Variants in EXOC6B observed in about 807,000 individuals in gnomAD.
EXOC6B encodes the protein SEC15 homolog B.
A neutral mutation model predicts 113.5 loss-of-function variants in EXOC6B; 54 were observed. The ratio of observed to expected loss-of-function variants is 0.48; its 90% CI spans 0.38 to 0.60. The LOEUF is 0.60. EXOC6B is among the 20% of genes least tolerant of loss of function. The pLI is 0.00. For missense variants in EXOC6B, 797 were observed against 977.5 expected, an observed-to-expected ratio of 0.82 and a Z score of 2.46; for synonymous variants, 357 against 339.0, an observed-to-expected ratio of 1.05 and a Z score of -0.58.
intron 18 of EXOC6B, among the ~76,000 whole-genome samples, chr2:72,451,443 T>C (rs953440043): frequency 6.6e-6 from 1 of 152,000 alleles, no homozygotes; most frequent in Non-Finnish European, 1.5e-5. Flanking sequence ...GACAAAAACA[T>C]GAAATAAAAC....
chr2:72,249,618 T>TA (rs964718231), intron 20 of EXOC6B, among the ~76,000 whole-genome samples: 7 of 152,044 alleles, frequency 4.6e-5, no homozygotes, highest in African/African-American at 1.4e-4. Context: ...TTTAACTTTG[T>TA]AAAAAAAATT....
intron 8 of EXOC6B, among the ~76,000 whole-genome samples, chr2:72,556,029 C>G (rs534828175): frequency 6.6e-6 from 1 of 152,264 alleles, no homozygotes; most frequent in African/African-American, 2.4e-5. Context: ...ACATGGCTTT[C>G]CCAGTACAAT....
At chr2:72,687,498 A>T (rs1036174595) in intron 6 of EXOC6B, among the ~76,000 whole-genome samples, 2 of 152,128 alleles carry the variant, frequency 1.3e-5, no homozygotes, top group African/African-American at 4.8e-5. Context: ...AAAACCCCAC[A>T]AAATCAACAG....
At chr2:72,384,517 C>T (rs866017122) in intron 18 of EXOC6B, among the ~76,000 whole-genome samples, 16 of 151,872 alleles carry the variant, frequency 1.1e-4, no homozygotes, top group East Asian at 5.8e-4. Context: ...GTGCTAGTCA[C>T]GGTAGTTAGT....
At chr2:72,252,020 C>G (rs1156845806) in intron 20 of EXOC6B, among the ~76,000 whole-genome samples, 1 of 152,140 alleles carries the variant, frequency 6.6e-6, no homozygotes, top group African/African-American at 2.4e-5. Flanking sequence ...TGTGTATACT[C>G]AAGGGCATTA....
At chr2:72,472,516 T>C (rs933797434) in intron 17 of EXOC6B, among the ~76,000 whole-genome samples, 1 of 152,174 alleles carries the variant, frequency 6.6e-6, no homozygotes, top group Non-Finnish European at 1.5e-5. Context: ...CAGTCCCTGA[T>C]GATCTTTTCT....
chr2:72,235,041 T>C (rs1681869804), intron 20 of EXOC6B, among the ~76,000 whole-genome samples: 1 of 152,190 alleles, frequency 6.6e-6, no homozygotes, highest in Non-Finnish European at 1.5e-5. Flanking sequence ...GCAATCCCAC[T>C]ACTAAGTATA....
At chr2:72,580,622 T>C (rs1705163484) in intron 6 of EXOC6B, among the ~76,000 whole-genome samples, 1 of 152,234 alleles carries the variant, frequency 6.6e-6, no homozygotes, top group Non-Finnish European at 1.5e-5. Context: ...GTTTCACCTC[T>C]TATTCCAGCT....
At chr2:72,395,099 C>G (rs1474914726) in intron 18 of EXOC6B, among the ~76,000 whole-genome samples, 1 of 152,084 alleles carries the variant, frequency 6.6e-6, no homozygotes, top group Non-Finnish European at 1.5e-5. Context: ...GAAACTTTGT[C>G]TTTCAAACTT....
chr2:72,386,778 G>A (rs758913271), intron 18 of EXOC6B, among the ~76,000 whole-genome samples: 4 of 152,174 alleles, frequency 2.6e-5, no homozygotes, highest in Admixed American at 6.5e-5. Context: ...TGATGGATAT[G>A]TTAATTTGCT....
chr2:72,733,191 A>G, intron 2 of EXOC6B, 73 bp from the exon 3 acceptor site: 2 of 1,102,814 alleles, frequency 1.8e-6, no homozygotes, highest in Non-Finnish European at 2.7e-6. Context: ...TCTAAATTTA[A>G]TATGAAAAGA....
intron 6 of EXOC6B, among the ~76,000 whole-genome samples, chr2:72,652,944 A>G (rs1399583475): frequency 6.6e-6 from 1 of 151,670 alleles, no homozygotes; most frequent in Non-Finnish European, 1.5e-5. Flanking sequence ...CCAGGAGTTC[A>G]AGGCCAGCCT....
In EXOC6B at chr2:72,492,367, C is replaced by T. The variant is rs761028292; in HGVS notation, c.1616G>A (p.Ser539Asn). Residue 539 changes from serine to asparagine, a missense_variant, in exon 16 of 22, where the codon AGC becomes AAC. Physicochemically the swap from Ser to Asn is conservative, Grantham distance 46. Coordinates refer to ENST00000272427, the MANE Select transcript of EXOC6B (RefSeq NM_015189.3). ...TTTAATTACATTCTGCAGAGAGTTG[C>T]TCAGAGTCCTGGTTAGCAACAGGTT... ...STNLLLTRTL[S>N]NSLQNVIKRK... The T allele has an allele frequency of 3.1e-6, 5 of 1,612,876 alleles. No individual in the cohort carries two copies. Among genetic ancestry groups the T allele is most frequent in the Non-Finnish European group, 4.2e-6 (5 of 1,179,186 alleles).
intron 8 of EXOC6B, among the ~76,000 whole-genome samples, chr2:72,528,642 T>C (rs1172516834): frequency 1.3e-5 from 2 of 152,152 alleles, no homozygotes; most frequent in Non-Finnish European, 2.9e-5. Context: ...TTGGTATCTT[T>C]ACTGTGTTAA....
intron 20 of EXOC6B, among the ~76,000 whole-genome samples, chr2:72,211,200 G>A (rs1171494509): frequency 1.3e-5 from 2 of 152,166 alleles, no homozygotes; most frequent in Admixed American, 6.5e-5. Flanking sequence ...AGTTAGTGAC[G>A]TACTGACAGG....
intron 6 of EXOC6B, among the ~76,000 whole-genome samples, chr2:72,604,168 T>A (rs1229202182): frequency 1.3e-5 from 2 of 152,090 alleles, no homozygotes; most frequent in Non-Finnish European, 2.9e-5. Context: ...TCTAACAAAC[T>A]TAGGAAGAAG....
chr2:72,484,566 CAA>C (rs1163864913), intron 16 of EXOC6B, among the ~76,000 whole-genome samples: 24 of 52,630 alleles, frequency 4.6e-4, no homozygotes, highest in East Asian at 6.6e-4. Flanking sequence ...GACTCCGTCA[CAA>C]AAAAAAAAAA....
At chr2:72,651,002 G>T (rs1181252548) in intron 6 of EXOC6B, among the ~76,000 whole-genome samples, 1 of 151,936 alleles carries the variant, frequency 6.6e-6, no homozygotes. Flanking sequence ...CAGATATCTT[G>T]AACCCTAAGT....
At chr2:72,231,595 A>G (rs1300306917) in intron 20 of EXOC6B, among the ~76,000 whole-genome samples, 1 of 152,204 alleles carries the variant, frequency 6.6e-6, no homozygotes, top group Non-Finnish European at 1.5e-5. Context: ...ATGAAAAAAG[A>G]GTAGTAACTC....
Sources: gnomAD v4.1 joint callset for allele counts (sites outside exome capture counted in the v4.1 genomes callset) on GRCh38, gnomAD v4.1.1 for gene constraint, MANE v1.5 for transcripts, NCBI Gene and HGNC (gene_info 2026-07-23, HGNC 2026-07-21) for gene names.